The following CACNA1E variants were observed in gnomAD, a reference collection of about 807,000 sequenced individuals.
CACNA1E encodes calcium voltage-gated channel subunit alpha1 E.
Under a neutral mutation model 259.2 loss-of-function variants are expected in CACNA1E, and 40 were observed. That is an observed-to-expected ratio of 0.15 (90% confidence interval 0.12 to 0.20). The LOEUF is 0.20. Ranked by LOEUF, CACNA1E falls within the 10% of genes least tolerant of loss-of-function variation. CACNA1E has a pLI of 1.00. For missense variants in CACNA1E, 1,874 were observed against 3,040.1 expected (o/e 0.62, Z 9.02); for synonymous variants, 1,104 against 1,138.5 (o/e 0.97, Z 0.61).
intron 7 of CACNA1E, among the ~76,000 whole-genome samples, chr1:181,654,766 C>T (rs997048949): frequency 1.3e-5 from 2 of 152,064 alleles, no homozygotes; most frequent in African/African-American, 4.8e-5. Context: ...GGGCAGATCA[C>T]GAGGTCAGGA....
chr1:181,685,878 A>G (rs1650482316), intron 7 of CACNA1E, among the ~76,000 whole-genome samples: 1 of 152,096 alleles, frequency 6.6e-6, no homozygotes, highest in Non-Finnish European at 1.5e-5. Flanking sequence ...TATATTTTTT[A>G]TCTCCTGCAT....
At chr1:181,714,471 G>A (rs942266739) in intron 8 of CACNA1E, among the ~76,000 whole-genome samples, 1 of 151,948 alleles carries the variant, frequency 6.6e-6, no homozygotes, top group Non-Finnish European at 1.5e-5. Context: ...TCATTACATA[G>A]GCATGCTCGA....
At chr1:181,495,361 T>C (rs2102533030) in intron 1 of CACNA1E, among the ~76,000 whole-genome samples, 1 of 152,366 alleles carries the variant, frequency 6.6e-6, no homozygotes, top group South Asian at 2.1e-4. Context: ...GGCAACCTGC[T>C]TACCCTTGCA....
intron 3 of CACNA1E, among the ~76,000 whole-genome samples, chr1:181,547,775 C>A (rs1647658854): frequency 6.6e-6 from 1 of 152,204 alleles, no homozygotes; most frequent in African/African-American, 2.4e-5. Context: ...ATAGCTTGTT[C>A]TCATTCTTAT....
chr1:181,738,603 C>G (rs544230840), intron 24 of CACNA1E, among the ~76,000 whole-genome samples, 177 bp downstream of exon 24: 2 of 152,174 alleles, frequency 1.3e-5, no homozygotes, highest in Admixed American at 1.3e-4. Context: ...CAGCAAGACA[C>G]GGCTGCGTGG....
At chr1:181,720,363 A>G in intron 14 of CACNA1E, 26 bp downstream of exon 14, 8 of 1,605,922 alleles carry the variant, frequency 5.0e-6, no homozygotes, top group Non-Finnish European at 6.8e-6. Context: ...CTTTCCATCC[A>G]AAGGAGGCTC....
chr1:181,633,419 A>C (rs1656926317), intron 6 of CACNA1E, among the ~76,000 whole-genome samples: 1 of 152,164 alleles, frequency 6.6e-6, no homozygotes, highest in Non-Finnish European at 1.5e-5. Flanking sequence ...TAAGGGGCAG[A>C]GAAGTGAACT....
chr1:181,479,728 A>G (rs1663105310), upstream of CACNA1E, among the ~76,000 whole-genome samples: 1 of 152,184 alleles, frequency 6.6e-6, no homozygotes, highest in African/African-American at 2.4e-5. Context: ...TTGATAAACA[A>G]TTTAGAATTA....
chr1:181,731,245 A>G lies in CACNA1E; in HGVS notation c.2297+14A>G. The G allele has an allele frequency of 6.2e-7, 1 of 1,610,248 alleles. No homozygotes were observed. The highest frequency in any genetic ancestry group is 1.1e-5 in the South Asian group (1 of 90,952). On this transcript the variant is annotated intron_variant, in intron 19 of 47. Transcript: ENST00000367573. ...CAGCAGCCACCTGTATGTGTGTACC[A>G]GTTTGCGTGTTTGTGAGTGGTTACG...
chr1:181,794,714 G>A (rs1239419942), intron 45 of CACNA1E, 150 bp from the exon 46 acceptor site: 6 of 635,482 alleles, frequency 9.4e-6, no homozygotes, highest in Non-Finnish European at 1.4e-5. Flanking sequence ...CACCAGCTAA[G>A]GTTTGAGCAA....
At chr1:181,766,771 A>G (rs1477174431) in intron 35 of CACNA1E, among the ~76,000 whole-genome samples, 160 bp downstream of exon 35, 4 of 152,200 alleles carry the variant, frequency 2.6e-5, no homozygotes, top group Non-Finnish European at 5.9e-5. Context: ...GGAATTTCAC[A>G]TGTGCAGTGG....
intron 3 of CACNA1E, among the ~76,000 whole-genome samples, chr1:181,577,018 C>T (rs565370655): frequency 2.6e-5 from 4 of 152,276 alleles, no homozygotes; most frequent in African/African-American, 9.6e-5. Context: ...CTATGTCTTT[C>T]ATAAATACAT....
At chr1:181,675,940 T>C (rs76309128) in intron 7 of CACNA1E, among the ~76,000 whole-genome samples, 19,696 of 151,462 alleles carry the variant, frequency 0.13, 1,367 homozygotes, top group South Asian at 0.25. Flanking sequence ...TCCTGCTCCG[T>C]TTCTCCTCCC....
chr1:181,394,434 T>G (rs753461032), intron 1 of CACNA1E, among the ~76,000 whole-genome samples: 18 of 152,208 alleles, frequency 1.2e-4, no homozygotes, highest in Non-Finnish European at 1.9e-4. Context: ...CACTAAAATA[T>G]TTTTAGTGTT....
At chr1:181,482,480 T>C (rs1434398009), upstream of CACNA1E, among the ~76,000 whole-genome samples, 1 of 152,256 alleles carries the variant, frequency 6.6e-6, no homozygotes, top group African/African-American at 2.4e-5. Context: ...AGGTGGCTGC[T>C]ACCCTTTGGC....
chr1:181,574,530 C>T (rs1490306876), intron 3 of CACNA1E, among the ~76,000 whole-genome samples: 1 of 152,068 alleles, frequency 6.6e-6, no homozygotes, highest in Non-Finnish European at 1.5e-5. Flanking sequence ...TATTGAGTGC[C>T]TCTTACTTGC....
At chr1:181,596,023 C>G (rs1408966603) in intron 6 of CACNA1E, among the ~76,000 whole-genome samples, 1 of 152,148 alleles carries the variant, frequency 6.6e-6, no homozygotes, top group African/African-American at 2.4e-5. Context: ...AAATAAACTG[C>G]AAAGTAGGTT....
At chr1:181,562,611 G>T (rs974318365) in intron 3 of CACNA1E, among the ~76,000 whole-genome samples, 3 of 152,198 alleles carry the variant, frequency 2.0e-5, no homozygotes, top group Admixed American at 2.0e-4. Flanking sequence ...GAGGTCACGA[G>T]TTAATTTGCG....
intron 1 of CACNA1E, among the ~76,000 whole-genome samples, chr1:181,343,524 C>T (rs2102641801): frequency 6.6e-6 from 1 of 152,240 alleles, no homozygotes; most frequent in Non-Finnish European, 1.5e-5. Flanking sequence ...TCCTGAAGCC[C>T]TCACCAGAAG....
Sources: allele counts gnomAD v4.1 joint callset (sites outside exome capture counted in the v4.1 genomes callset), GRCh38; gene constraint gnomAD v4.1.1; transcripts MANE v1.5; gene names NCBI Gene and HGNC (gene_info 2026-07-23, HGNC 2026-07-21).